The following THRB variants were observed in gnomAD, a reference collection of about 807,000 sequenced individuals.
The protein encoded by THRB is thyroid hormone receptor beta, also known as nuclear receptor subfamily 1 group A member 2.
A neutral mutation model predicts 47.8 loss-of-function variants in THRB; 12 were observed. The ratio of observed to expected loss-of-function variants is 0.25; its 90% confidence interval spans 0.16 to 0.41. The LOEUF is 0.41. Ranked by LOEUF, THRB falls within the 10% of genes least tolerant of loss-of-function variation. The probability of loss-of-function intolerance (pLI) is 1.00; values close to 1 mark genes in which losing one functional copy is unlikely to be tolerated. For missense variants in THRB, 348 were observed against 589.2 expected (o/e 0.59, Z 4.24); for synonymous variants, 218 against 212.2 (o/e 1.03, Z -0.24).
chr3:24,154,306 C>T (rs920242149), intron 5 of THRB, among the ~76,000 whole-genome samples: 5 of 152,136 alleles, frequency 3.3e-5, no homozygotes, highest in South Asian at 2.1e-4. Context: ...ATGCTTTGCG[C>T]GTTCATTCAG....
At chr3:24,359,862 G>A (rs1026707842) in intron 1 of THRB, among the ~76,000 whole-genome samples, 1 of 152,064 alleles carries the variant, frequency 6.6e-6, no homozygotes, top group Non-Finnish European at 1.5e-5. Flanking sequence ...TCCACCAGAG[G>A]GTGGCAGGAG....
intron 1 of THRB, among the ~76,000 whole-genome samples, chr3:24,354,815 C>T (rs563848966): frequency 6.6e-5 from 10 of 152,244 alleles, no homozygotes; most frequent in Admixed American, 5.2e-4. Context: ...CATCCATCCT[C>T]CAATGAGGAG....
chr3:24,396,220 A>T (rs1017139303), intron 1 of THRB, among the ~76,000 whole-genome samples: 3 of 151,914 alleles, frequency 2.0e-5, no homozygotes, highest in Admixed American at 6.6e-5. Context: ...CTCACTATAG[A>T]CCTTAGTTCT....
At chr3:24,216,253 G>A (rs1178553040) in intron 4 of THRB, among the ~76,000 whole-genome samples, 2 of 152,158 alleles carry the variant, frequency 1.3e-5, no homozygotes, top group Non-Finnish European at 2.9e-5. Flanking sequence ...TAATTTCATG[G>A]CATTGAACTA....
chr3:24,291,216 C>A, intron 3 of THRB, among the ~76,000 whole-genome samples: 1 of 152,140 alleles, frequency 6.6e-6, no homozygotes, highest in Non-Finnish European at 1.5e-5. Context: ...AACTAAATTC[C>A]TATGATGCAG....
At chr3:24,299,506 G>A (rs1020935001) in intron 2 of THRB, among the ~76,000 whole-genome samples, 6 of 151,856 alleles carry the variant, frequency 4.0e-5, no homozygotes, top group East Asian at 1.9e-4. Context: ...GTACAGACCC[G>A]ATGCTGTATC....
At chr3:24,148,787 T>A (rs557835405) in intron 6 of THRB, among the ~76,000 whole-genome samples, 9 of 152,332 alleles carry the variant, frequency 5.9e-5, no homozygotes, top group Non-Finnish European at 1.2e-4. Flanking sequence ...GGATTTTATA[T>A]TGGGCAAAGC....
intron 1 of THRB, among the ~76,000 whole-genome samples, chr3:24,342,776 T>C (rs1316151107): frequency 6.6e-6 from 1 of 152,086 alleles, no homozygotes; most frequent in African/African-American, 2.4e-5. Context: ...TCAGAAAAGA[T>C]ACAGGGCCTG....
chr3:24,301,195 T>G (rs1022226245), intron 2 of THRB, among the ~76,000 whole-genome samples: 1 of 152,204 alleles, frequency 6.6e-6, no homozygotes, highest in Non-Finnish European at 1.5e-5. Flanking sequence ...AACACCTTGA[T>G]TTCAAACTTC....
At chr3:24,356,399 C>T (rs189643477) in intron 1 of THRB, among the ~76,000 whole-genome samples, 3 of 152,070 alleles carry the variant, frequency 2.0e-5, no homozygotes, top group Admixed American at 6.6e-5. Context: ...TCTTTGCAGG[C>T]TCTTCTCCCC....
At chr3:24,158,027 G>A (rs139088016) in intron 5 of THRB, among the ~76,000 whole-genome samples, 11 of 152,346 alleles carry the variant, frequency 7.2e-5, no homozygotes, top group Admixed American at 7.2e-4. Context: ...TAATGCGTTT[G>A]AGTTGGAATG....
intron 1 of THRB, among the ~76,000 whole-genome samples, chr3:24,382,088 T>C (rs2065755705): frequency 6.6e-6 from 1 of 151,536 alleles, no homozygotes; most frequent in African/African-American, 2.4e-5. Flanking sequence ...CCACTTTGAA[T>C]CATAAAAGAC....
chr3:24,286,386 G>T (rs1406061819), intron 3 of THRB, among the ~76,000 whole-genome samples: 1 of 152,126 alleles, frequency 6.6e-6, no homozygotes, highest in Non-Finnish European at 1.5e-5. Flanking sequence ...ATTCATAGTT[G>T]GGAGGAAAGA....
intron 1 of THRB, among the ~76,000 whole-genome samples, chr3:24,422,266 A>C (rs1288798943): frequency 6.6e-6 from 1 of 151,956 alleles, no homozygotes; most frequent in Non-Finnish European, 1.5e-5. Context: ...TGAGAAACTT[A>C]GTATCCTGGA....
At chr3:24,182,635 C>T (rs2042050307) in intron 5 of THRB, among the ~76,000 whole-genome samples, 1 of 152,194 alleles carries the variant, frequency 6.6e-6, no homozygotes, top group Non-Finnish European at 1.5e-5. Flanking sequence ...ATCTATTGAG[C>T]ACTCACTGTG....
At chr3:24,243,218 A>G (rs1265637959) in intron 3 of THRB, among the ~76,000 whole-genome samples, 4 of 152,044 alleles carry the variant, frequency 2.6e-5, no homozygotes, top group Admixed American at 6.6e-5. Flanking sequence ...TAGAGGCCCT[A>G]AAGTAGCCTC....
At chr3:24,436,887 G>A (rs547916841) in intron 1 of THRB, among the ~76,000 whole-genome samples, 1 of 152,038 alleles carries the variant, frequency 6.6e-6, no homozygotes, top group Admixed American at 6.6e-5. Flanking sequence ...ACAGAATTAG[G>A]TGCAGATAGA....
intron 3 of THRB, among the ~76,000 whole-genome samples, chr3:24,280,528 G>A (rs1293979506): frequency 1.4e-4 from 22 of 152,202 alleles, no homozygotes; most frequent in Non-Finnish European, 2.8e-4. Flanking sequence ...AAAGCAGAGC[G>A]CCTCTCCTCC....
chr3:24,319,060 A>G (rs1381877901), intron 2 of THRB, among the ~76,000 whole-genome samples: 1 of 152,222 alleles, frequency 6.6e-6, no homozygotes, highest in African/African-American at 2.4e-5. Flanking sequence ...ATGAGAGACT[A>G]TTACATACCC....
Sources: gnomAD v4.1 joint callset for allele counts (sites outside exome capture counted in the v4.1 genomes callset) on GRCh38, gnomAD v4.1.1 for gene constraint, MANE v1.5 for transcripts, NCBI Gene and HGNC (gene_info 2026-07-23, HGNC 2026-07-21) for gene names.